The following ZBTB20 variants were observed in gnomAD, a reference collection of about 807,000 sequenced individuals.
The protein encoded by ZBTB20 is zinc finger and BTB domain containing 20, also known as zinc finger and BTB domain-containing protein 20.
Under a neutral mutation model 56.9 loss-of-function variants are expected in ZBTB20, and 9 were observed. The observed-to-expected ratio is 0.16, with a 90% CI of 0.10 to 0.28. The LOEUF (loss-of-function observed/expected upper bound fraction) is 0.28. ZBTB20 is among the 10% of genes least tolerant of loss of function. ZBTB20 has a pLI of 1.00. For missense variants in ZBTB20, 655 were observed against 1,003.0 expected (o/e 0.65, Z 4.69); for synonymous variants, 417 against 420.7 (o/e 0.99, Z 0.11).
chr3:114,824,412 CAT>C (rs2073411510), intron 4 of ZBTB20, among the ~76,000 whole-genome samples: 1 of 151,868 alleles, frequency 6.6e-6, no homozygotes, highest in Non-Finnish European at 1.5e-5. Context: ...AACAAACAAA[CAT>C]AATGTTTTAA....
intron 1 of ZBTB20, among the ~76,000 whole-genome samples, chr3:115,101,193 A>C (rs776734865): frequency 6.6e-6 from 1 of 152,364 alleles, no homozygotes; most frequent in East Asian, 1.9e-4. Flanking sequence ...CTACCATCAC[A>C]ATCAGGATGA....
chr3:114,366,370 A>G (rs2082398355), intron 10 of ZBTB20, among the ~76,000 whole-genome samples: 1 of 151,408 alleles, frequency 6.6e-6, no homozygotes, highest in South Asian at 2.1e-4. Flanking sequence ...TCAGATTGCA[A>G]CTGCTATCAT....
intron 11 of ZBTB20, among the ~76,000 whole-genome samples, chr3:114,341,827 C>G (rs1040094228): frequency 6.6e-6 from 1 of 152,138 alleles, no homozygotes; most frequent in Admixed American, 6.5e-5. Context: ...ATTTAGTGGT[C>G]CTGAGTCCGT....
At chr3:115,134,828 T>C (rs1229431440) in intron 1 of ZBTB20, among the ~76,000 whole-genome samples, 2 of 152,160 alleles carry the variant, frequency 1.3e-5, no homozygotes, top group South Asian at 4.1e-4. Context: ...GTTGCCAGAT[T>C]ATCCTAAATG....
At chr3:114,751,038 T>C (rs2067520978) in intron 5 of ZBTB20, among the ~76,000 whole-genome samples, 1 of 152,178 alleles carries the variant, frequency 6.6e-6, no homozygotes, top group African/African-American at 2.4e-5. Context: ...AAGCAATCTT[T>C]TTATGAGGGT....
chr3:114,674,997 G>A (rs938094141), intron 6 of ZBTB20, among the ~76,000 whole-genome samples: 3 of 150,202 alleles, frequency 2.0e-5, no homozygotes, highest in Non-Finnish European at 3.0e-5. Flanking sequence ...GCAAATCGAG[G>A]CAAGTGCTGC....
chr3:114,347,695 T>G (rs543013557), intron 11 of ZBTB20, among the ~76,000 whole-genome samples: 82 of 152,330 alleles, frequency 5.4e-4, no homozygotes, highest in African/African-American at 2.0e-3. Flanking sequence ...ATCCTTCAGT[T>G]AGACAATAGT....
chr3:114,882,612 T>G (rs1461712259), intron 4 of ZBTB20, among the ~76,000 whole-genome samples: 1 of 151,914 alleles, frequency 6.6e-6, no homozygotes, highest in Non-Finnish European at 1.5e-5. Flanking sequence ...GAGGAAAAGG[T>G]AAAATATAAT....
chr3:115,060,633 G>A (rs545263253), intron 2 of ZBTB20, among the ~76,000 whole-genome samples: 1 of 152,126 alleles, frequency 6.6e-6, no homozygotes, highest in East Asian at 1.9e-4. Flanking sequence ...GTATTTAGTA[G>A]GCTATTCACA....
At chr3:114,858,222 C>T (rs17627487) in intron 4 of ZBTB20, among the ~76,000 whole-genome samples, 6,759 of 152,206 alleles carry the variant, frequency 0.044, 217 homozygotes, top group Non-Finnish European at 0.071. Flanking sequence ...CCTGCTTAAA[C>T]GCAGTTATAT....
chr3:114,994,865 T>C (rs963770313), intron 2 of ZBTB20, among the ~76,000 whole-genome samples: 1 of 151,910 alleles, frequency 6.6e-6, no homozygotes, highest in Admixed American at 6.6e-5. Context: ...GGGTAGTGTC[T>C]GACCTGGTGT....
chr3:114,408,765 A>G (rs1237072192), intron 7 of ZBTB20, among the ~76,000 whole-genome samples: 5 of 142,968 alleles, frequency 3.5e-5, no homozygotes, highest in Non-Finnish European at 7.5e-5. Flanking sequence ...GCACATTTAT[A>G]TACTTTTTCT....
At chr3:114,488,840 G>A (rs946047978) in intron 7 of ZBTB20, among the ~76,000 whole-genome samples, 4 of 152,166 alleles carry the variant, frequency 2.6e-5, no homozygotes, top group Admixed American at 2.0e-4. Context: ...AAGTGATTGA[G>A]TCAATAAATT....
intron 6 of ZBTB20, among the ~76,000 whole-genome samples, chr3:114,667,470 C>G (rs897492676): frequency 3.3e-5 from 5 of 151,968 alleles, no homozygotes; most frequent in East Asian, 1.9e-4. Flanking sequence ...AACTGCCCAC[C>G]CTTCTGTTCT....
Position 114,694,669 on chromosome 3 carries a change from A to T in ZBTB20, c.-342-1094T>A, listed in dbSNP as rs576214600. On this transcript the variant is annotated intron_variant, in intron 5 of 11. Coordinates refer to ENST00000675478, the MANE Select transcript of ZBTB20 (RefSeq NM_001348800.3). The stretch of plus-strand genomic sequence containing the variant: ...AAAGGACCCTGTGGCAGAGTGCATG[A>T]GGAGCATACTCGATAGCTAGAATCA... 2.6e-5 allele frequency among the ~76,000 whole-genome samples: 4 copies of T among 152,052 alleles called. No individual in the cohort carries two copies. In the East Asian group the frequency reaches 7.7e-4, roughly 29 times the overall value.
chr3:114,904,867 C>T (rs573217408), intron 3 of ZBTB20, among the ~76,000 whole-genome samples: 1 of 152,034 alleles, frequency 6.6e-6, no homozygotes, highest in East Asian at 1.9e-4. Flanking sequence ...ATGGTAAACA[C>T]CGTTAACCCA....
At chr3:114,819,369 G>A (rs1399811717) in intron 4 of ZBTB20, among the ~76,000 whole-genome samples, 4 of 151,868 alleles carry the variant, frequency 2.6e-5, no homozygotes, top group Non-Finnish European at 5.9e-5. Flanking sequence ...TGACTAGTAA[G>A]TAGGTGACAA....
intron 3 of ZBTB20, among the ~76,000 whole-genome samples, chr3:114,932,326 G>A (rs1446451805): frequency 6.6e-6 from 1 of 152,196 alleles, no homozygotes; most frequent in African/African-American, 2.4e-5. Context: ...CCTGTCCACA[G>A]GCTGATCAAC....
chr3:114,708,144 TCTCA>T (rs1398033714), intron 5 of ZBTB20, among the ~76,000 whole-genome samples: 1 of 152,204 alleles, frequency 6.6e-6, no homozygotes, highest in African/African-American at 2.4e-5. Context: ...CGCAATCTAA[TCTCA>T]CTGTCAATTT....
Sources: gnomAD v4.1 joint callset for allele counts (sites outside exome capture counted in the v4.1 genomes callset) on GRCh38, gnomAD v4.1.1 for gene constraint, MANE v1.5 for transcripts, NCBI Gene and HGNC (gene_info 2026-07-23, HGNC 2026-07-21) for gene names.